The following SMARCC1 variants were observed in gnomAD, a reference collection of about 807,000 sequenced individuals.
SMARCC1 encodes SWI/SNF complex subunit SMARCC1.
SMARCC1 carries 43 observed loss-of-function variants against 147.4 expected under a neutral mutation model. The observed-to-expected ratio is 0.29, with a 90% CI of 0.23 to 0.38. The LOEUF (loss-of-function observed/expected upper bound fraction) is 0.38, where lower values mean the gene tolerates loss of function less well. SMARCC1 is among the 10% of genes least tolerant of loss of function. The pLI, the probability that SMARCC1 is intolerant of heterozygous loss-of-function variation, is 1.00. For synonymous variants in SMARCC1, 495 were observed against 484.4 expected (o/e 1.02, Z -0.29); for missense variants, 1,119 against 1,381.1 (o/e 0.81, Z 3.01).
Position 47,614,821 on chromosome 3 carries a change from C to T in SMARCC1, c.2782-4494G>A, listed in dbSNP as rs150730806. 9.7e-4 allele frequency among the ~76,000 whole-genome samples: 148 copies of T among 152,268 alleles called. 1 individual carries two copies. Among genetic ancestry groups the T allele is most frequent in the East Asian group, 2.7e-3 (14 of 5,188 alleles). ...CACTTCAGTCCTCAACTCAAGGTCC[C>T]GCAATTATTTCACATTTCAGAGTAA... On this transcript the variant is annotated intron_variant, in intron 25 of 27. Transcript: ENST00000254480.
At chr3:47,597,819 G>A (rs961136172) in intron 26 of SMARCC1, among the ~76,000 whole-genome samples, 3 of 152,212 alleles carry the variant, frequency 2.0e-5, no homozygotes, top group Non-Finnish European at 2.9e-5. Context: ...AAGGAAGGGC[G>A]AGCATGGAGC....
intron 27 of SMARCC1, among the ~76,000 whole-genome samples, chr3:47,589,601 A>G (rs2032143834): frequency 6.6e-6 from 1 of 152,164 alleles, no homozygotes; most frequent in Non-Finnish European, 1.5e-5. Flanking sequence ...AGTTGTTGTG[A>G]TCTTATATAC....
At chr3:47,714,997 T>C (rs1290769005) in intron 7 of SMARCC1, among the ~76,000 whole-genome samples, 1 of 152,106 alleles carries the variant, frequency 6.6e-6, no homozygotes, top group African/African-American at 2.4e-5. Context: ...CTCAAAGCAT[T>C]TCCCTCACTT....
At chr3:47,768,559 G>A (rs2034868852) in intron 2 of SMARCC1, among the ~76,000 whole-genome samples, 1 of 152,072 alleles carries the variant, frequency 6.6e-6, no homozygotes, top group Non-Finnish European at 1.5e-5. Flanking sequence ...TTTATATAAT[G>A]TAATCTGTAA....
At chr3:47,718,847 TACAA>T (rs1389311405) in intron 7 of SMARCC1, among the ~76,000 whole-genome samples, 1 of 152,106 alleles carries the variant, frequency 6.6e-6, no homozygotes. Flanking sequence ...AAAAATATAG[TACAA>T]ACAATGTTAT....
At chr3:47,761,265 G>A (rs1299642718) in intron 2 of SMARCC1, among the ~76,000 whole-genome samples, 1 of 151,892 alleles carries the variant, frequency 6.6e-6, no homozygotes, top group Non-Finnish European at 1.5e-5. Flanking sequence ...CCATACCACT[G>A]TACTTTAGCC....
rs370750782 is a variant in SMARCC1, at chr3:47,611,838, T to C, written c.2782-1511A>G. On this transcript the variant is annotated intron_variant, in intron 25 of 27. Coordinates refer to ENST00000254480, the MANE Select transcript of SMARCC1 (RefSeq NM_003074.4). Reference sequence around the variant, plus strand: ...GGGAAGACAGGCCATGAACACAGTATGAAGAAAAGATGCATGAGCAGGCTA... The same window carrying C: ...GGGAAGACAGGCCATGAACACAGTACGAAGAAAAGATGCATGAGCAGGCTA... Among the ~76,000 whole-genome samples, 11 of 152,124 alleles carry C rather than the reference T, an allele frequency of 7.2e-5. No individual in the cohort carries two copies. In the East Asian group the frequency reaches 1.3e-3, roughly 19 times the overall value.
At chr3:47,770,044 T>C (rs940943457) in intron 2 of SMARCC1, among the ~76,000 whole-genome samples, 4 of 150,328 alleles carry the variant, frequency 2.7e-5, no homozygotes, top group Admixed American at 2.0e-4. Flanking sequence ...GCTAACACAG[T>C]GAAACCCCGT....
chr3:47,693,015 G>A (rs2033808907), intron 12 of SMARCC1, among the ~76,000 whole-genome samples: 1 of 151,886 alleles, frequency 6.6e-6, no homozygotes, highest in Non-Finnish European at 1.5e-5. Context: ...AAAAGAAGGA[G>A]TGTATCAAGC....
At position 47,740,178 on chromosome 3, in the gene SMARCC1, C is replaced by CTTTTTTTT. The variant is rs34523367; in HGVS notation, c.402-2076_402-2069dup. Among the ~76,000 whole-genome samples the CTTTTTTTT allele has an allele frequency of 1.2e-3, 43 of 35,714 alleles. 1 individual carries two copies. The highest frequency in any genetic ancestry group is 2.1e-3 in the African/African-American group (26 of 12,586). 23.4% of individuals were successfully genotyped at this position (35,714 alleles called of 152,430 possible). On this transcript the variant is annotated intron_variant, in intron 3 of 27. Transcript: ENST00000254480. The stretch of plus-strand genomic sequence containing the variant: ...GATGTGAGCCACCACGCCCGGCCAT[C>CTTTTTTTT]TTTTTTTTTTTTTTTTTTTTTTTTT...
At chr3:47,625,982 C>T (rs974852453) in intron 24 of SMARCC1, among the ~76,000 whole-genome samples, 2 of 151,904 alleles carry the variant, frequency 1.3e-5, no homozygotes, top group Admixed American at 6.6e-5. Flanking sequence ...AATGAGACCC[C>T]GTTCTACAAA....
At chr3:47,664,127 A>G (rs1360839262) in intron 19 of SMARCC1, among the ~76,000 whole-genome samples, 1 of 151,714 alleles carries the variant, frequency 6.6e-6, no homozygotes, top group African/African-American at 2.4e-5. Context: ...TGAATGTTAC[A>G]TACTTCTATT....
intron 26 of SMARCC1, among the ~76,000 whole-genome samples, chr3:47,598,067 T>C (rs1277914515): frequency 6.6e-6 from 1 of 152,198 alleles, no homozygotes; most frequent in Non-Finnish European, 1.5e-5. Context: ...AGAGGCACCT[T>C]TGTTTTTAAG....
intron 14 of SMARCC1, among the ~76,000 whole-genome samples, chr3:47,682,151 C>T (rs879484638): frequency 1.3e-5 from 2 of 151,658 alleles, no homozygotes; most frequent in Non-Finnish European, 2.9e-5. Flanking sequence ...AAAAATTAGC[C>T]GGGCATGGTG....
intron 7 of SMARCC1, among the ~76,000 whole-genome samples, chr3:47,719,836 A>G (rs1180533946): frequency 2.0e-5 from 3 of 152,110 alleles, no homozygotes; most frequent in Non-Finnish European, 2.9e-5. Context: ...CCCAGGTTCA[A>G]GTGATTCTCA....
intron 13 of SMARCC1, 90 bp downstream of exon 13, chr3:47,689,297 A>G: frequency 9.3e-7 from 1 of 1,078,480 alleles, no homozygotes. Context: ...TAGTCCAAAA[A>G]TTGGGTTATG....
intron 15 of SMARCC1, among the ~76,000 whole-genome samples, chr3:47,679,848 C>T (rs1223599035): frequency 4.8e-5 from 6 of 124,220 alleles, no homozygotes; most frequent in Admixed American, 1.1e-4. Flanking sequence ...AGTGACAGAG[C>T]GAGACTCCAT....
chr3:47,665,627 TA>T lies in SMARCC1; in HGVS notation c.1900-3036del, dbSNP rs960080113. Among the ~76,000 whole-genome samples, 6 of 152,142 alleles carry T rather than the reference TA, an allele frequency of 3.9e-5. No individual in the cohort carries two copies. In the South Asian group the frequency reaches 1.0e-3, roughly 26 times the overall value. On this transcript the variant is annotated intron_variant, in intron 19 of 27. Coordinates refer to ENST00000254480, the MANE Select transcript of SMARCC1 (RefSeq NM_003074.4). ...AGAAGAGCACAGAGTTGAGAATCTG[TA>T]AATGTCTGAGCCTAGGAACTGATAA...
intron 14 of SMARCC1, among the ~76,000 whole-genome samples, chr3:47,683,881 C>T (rs1487789688): frequency 6.6e-6 from 1 of 152,026 alleles, no homozygotes; most frequent in Non-Finnish European, 1.5e-5. Context: ...ACAAAACAGT[C>T]GAGGCACAGA....
Sources: gnomAD v4.1 joint callset for allele counts (sites outside exome capture counted in the v4.1 genomes callset) on GRCh38, gnomAD v4.1.1 for gene constraint, MANE v1.5 for transcripts, NCBI Gene and HGNC (gene_info 2026-07-23, HGNC 2026-07-21) for gene names.